Variants in SLC29A4 observed in about 807,000 individuals in gnomAD.
The protein encoded by SLC29A4 is equilibrative nucleoside transporter 4.
In SLC29A4, 36 loss-of-function variants were observed where a neutral mutation model predicts 43.9. That is an observed-to-expected ratio of 0.82 (90% CI 0.63 to 1.08). The LOEUF (loss-of-function observed/expected upper bound fraction) is 1.08, where lower values mean the gene tolerates loss of function less well. Among genes scored for constraint, SLC29A4 ranks in the 50% least tolerant of loss-of-function variants. The pLI is 0.00. For synonymous variants in SLC29A4, 491 were observed against 338.0 expected, an observed-to-expected ratio of 1.45 and a Z score of -4.97; for missense variants, 869 against 755.3, an observed-to-expected ratio of 1.15 and a Z score of -1.77.
At chr7:5,295,517 C>T (rs1785592133) in intron 6 of SLC29A4, among the ~76,000 whole-genome samples, 1 of 152,246 alleles carries the variant, frequency 6.6e-6, no homozygotes, top group South Asian at 2.1e-4. Flanking sequence ...CTAGGTCTGT[C>T]CCCTGGCCTC....
intron 1 of SLC29A4, among the ~76,000 whole-genome samples, 176 bp from the exon 2 acceptor site, chr7:5,287,633 A>T (rs559268502): frequency 6.6e-6 from 1 of 152,314 alleles, no homozygotes; most frequent in South Asian, 2.1e-4. Context: ...CCTCACATCC[A>T]GTCCTGTTCA....
chr7:5,301,975 G>A (rs556942717), intron 10 of SLC29A4, among the ~76,000 whole-genome samples: 179 of 152,254 alleles, frequency 1.2e-3, no homozygotes, highest in South Asian at 5.2e-3. Context: ...TTTTTAGATG[G>A]AGTCTTGCTC....
intron 2 of SLC29A4, among the ~76,000 whole-genome samples, chr7:5,288,492 G>A (rs1305380432): frequency 6.6e-6 from 1 of 151,648 alleles, no homozygotes; most frequent in Non-Finnish European, 1.5e-5. Context: ...TTTTAGTAGA[G>A]ACGGGGTTTC....
intron 2 of SLC29A4, among the ~76,000 whole-genome samples, chr7:5,289,480 AC>A (rs1159755534): frequency 6.6e-6 from 1 of 152,108 alleles, no homozygotes; most frequent in African/African-American, 2.4e-5. Flanking sequence ...ACAGTCTGGA[AC>A]CCACGGGCAG....
At chr7:5,288,873 G>A (rs887992209) in intron 2 of SLC29A4, among the ~76,000 whole-genome samples, 2 of 152,136 alleles carry the variant, frequency 1.3e-5, no homozygotes, top group South Asian at 2.1e-4. Context: ...ACAGGCTCGG[G>A]TTCAAGCCTA....
chr7:5,291,687 C>T lies in SLC29A4; in HGVS notation c.416-6C>T, dbSNP rs1785322025. On this transcript the variant is annotated splice_polypyrimidine_tract_variant and splice_region_variant and intron_variant, in intron 4 of 10. Coordinates refer to ENST00000396872, the MANE Select transcript of SLC29A4 (RefSeq NM_153247.4). ...CCACTCCCCTCACTAGCCTCTCCCC[C>T]AACAGGCTACCTCTTAGCCTTGGGC... 1 of 1,603,230 alleles carries T rather than the reference C, an allele frequency of 6.2e-7. No individual in the cohort carries two copies. The highest frequency in any genetic ancestry group is 8.5e-7 in the Non-Finnish European group (1 of 1,174,976).
At chr7:5,283,373 C>T (rs1377557212) in intron 1 of SLC29A4, among the ~76,000 whole-genome samples, 3 of 151,916 alleles carry the variant, frequency 2.0e-5, no homozygotes, top group African/African-American at 7.2e-5. Context: ...CGAAGTTCCT[C>T]CCCGGACCCC....
rs1056329272 is a variant in SLC29A4 at position 5,292,690 on chromosome 7, C to CTTTTTTTTTTTTTTTT, written c.544+882_544+897dup. Among the ~76,000 whole-genome samples the CTTTTTTTTTTTTTTTT allele has an allele frequency of 6.7e-4, 45 of 67,414 alleles. 9 individuals are homozygous for CTTTTTTTTTTTTTTTT. Among genetic ancestry groups the CTTTTTTTTTTTTTTTT allele is most frequent in the South Asian group, 1.5e-3 (2 of 1,362 alleles). 44.2% of individuals were successfully genotyped at this position (67,414 alleles called of 152,430 possible). A position where few individuals can be genotyped will look rare whatever the true frequency, so the allele number is the denominator to read the frequency against. On this transcript the variant is annotated intron_variant, in intron 5 of 10. Coordinates refer to ENST00000396872, the MANE Select transcript of SLC29A4 (RefSeq NM_153247.4). ...TTCTACCAGCCAAGACATTTTTTTC[C>CTTTTTTTTTTTTTTTT]TTTTTTTTTTTTTTTTTTTTTTTTT... is the stretch of plus-strand genomic sequence containing the variant.
In SLC29A4 at chr7:5,291,957, C is replaced by G. The variant is rs1266559461; in HGVS notation, c.544+136C>G. ...TGGGTGCCAGGTGTGTGTCCACCTG[C>G]ATGCCAGCGTGCACACCGGCTCACA... On this transcript the variant is annotated intron_variant, in intron 5 of 10. Coordinates refer to ENST00000396872, the MANE Select transcript of SLC29A4 (RefSeq NM_153247.4). The G allele has an allele frequency of 2.4e-6, 3 of 1,265,632 alleles. No individual in the cohort carries two copies. In the African/African-American group the frequency reaches 4.5e-5, roughly 19 times the overall value. 78.4% of individuals were successfully genotyped at this position (1,265,632 alleles called of 1,614,324 possible).
chr7:5,293,235 G>A (rs112587599), intron 5 of SLC29A4, among the ~76,000 whole-genome samples: 29,920 of 142,302 alleles, frequency 0.21, 3,203 homozygotes, highest in Middle Eastern at 0.34. Flanking sequence ...GCAGTGGCAC[G>A]ATCTCAGCTC....
At chr7:5,292,518 CCT>C (rs1785370051) in intron 5 of SLC29A4, among the ~76,000 whole-genome samples, 1 of 151,938 alleles carries the variant, frequency 6.6e-6, no homozygotes, top group African/African-American at 2.4e-5. Context: ...ACTCTCTCCC[CCT>C]CTCCCTCCAC....
chr7:5,291,155 C>T lies in SLC29A4; in HGVS notation c.333C>T (p.Thr111=), dbSNP rs754877063. Residue 111 remains threonine (T), a synonymous_variant, in exon 4 of 11, where the codon ACC becomes ACT. Coordinates refer to ENST00000396872, the MANE Select transcript of SLC29A4 (RefSeq NM_153247.4). ...CCATCGTGTTTGACATGAGCCTCAC[C>T]TACATCTTGGTGGCACTGGCAGCTG... ...GTSIVFDMSL[T]YILVALAAVL... is the part of the protein sequence containing the mutation. The T allele has an allele frequency of 2.5e-6, 4 of 1,613,836 alleles. No individual in the cohort carries two copies. Among genetic ancestry groups the T allele is most frequent in the Non-Finnish European group, 3.4e-6 (4 of 1,180,036 alleles).
rs758459624 is a variant in SLC29A4 at position 5,302,824 on chromosome 7, C to T, written c.1478C>T (p.Ser493Leu). ...AGNTMTVSYMSGLTLGSAVAY... is the reference protein window; with the variant it reads ...AGNTMTVSYMLGLTLGSAVAY... ...AACACCATGACCGTGTCCTACATGT[C>T]AGGGCTGACGCTGGGGTCCGCCGTG... The change falls in exon 11 of 11, where the codon TCA becomes TTA. Residue 493 changes from serine to leucine, a missense_variant. By Grantham distance (145) the Ser-to-Leu change is moderately radical. Transcript: ENST00000396872. The T allele has an allele frequency of 7.0e-6, 11 of 1,570,118 alleles. No homozygotes were observed. The highest frequency in any genetic ancestry group is 9.5e-6 in the Non-Finnish European group (11 of 1,157,830).
intron 1 of SLC29A4, among the ~76,000 whole-genome samples, chr7:5,287,021 T>C (rs1259023688): frequency 6.6e-6 from 1 of 152,216 alleles, no homozygotes; most frequent in Non-Finnish European, 1.5e-5. Context: ...ACTGCCACCA[T>C]GCAGGCCACC....
chr7:5,296,566 G>A (rs1451753918), intron 6 of SLC29A4, among the ~76,000 whole-genome samples: 1 of 47,002 alleles, frequency 2.1e-5, no homozygotes, highest in African/African-American at 9.6e-5. Flanking sequence ...GTGGGACGGG[G>A]CTGGGTGGGG....
intron 1 of SLC29A4, among the ~76,000 whole-genome samples, chr7:5,287,433 G>GA (rs527760734): frequency 1.4e-5 from 2 of 147,338 alleles, no homozygotes; most frequent in African/African-American, 2.5e-5. Context: ...AAAAAAAAAA[G>GA]AAAAAAAAGA....
rs565898474 is a variant in SLC29A4, at chr7:5,294,285, C to G, written c.545-575C>G. ...TAGACAAAGACTGCCCCTGAGGCTA[C>G]TTCCAGGGCTGGATTTGCTAGACTC... On this transcript the variant is annotated intron_variant, in intron 5 of 10. Coordinates refer to ENST00000396872, the MANE Select transcript of SLC29A4 (RefSeq NM_153247.4). Among the ~76,000 whole-genome samples, 22 of 152,300 alleles carry G rather than the reference C, an allele frequency of 1.4e-4. No individual in the cohort carries two copies. In the South Asian group the frequency reaches 3.7e-3, roughly 26 times the overall value.
In SLC29A4 at chr7:5,287,019, C is replaced by A. The variant is rs528864275; in HGVS notation, c.-8-790C>A. Among the ~76,000 whole-genome samples the A allele has an allele frequency of 2.6e-5, 4 of 152,338 alleles. No individual in the cohort carries two copies. In the South Asian group the frequency reaches 6.2e-4, roughly 24 times the overall value. ...TATTTCTCACCGTGCCCACTGCCACCATGCAGGCCACCTTGGTTGCTCCCC... is the reference window on the plus strand; with the variant it reads ...TATTTCTCACCGTGCCCACTGCCACAATGCAGGCCACCTTGGTTGCTCCCC... On this transcript the variant is annotated intron_variant, in intron 1 of 10. Transcript: ENST00000396872.
At chr7:5,295,001 A>G (rs1230885810) in intron 6 of SLC29A4, 67 bp downstream of exon 6, 12 of 1,410,356 alleles carry the variant, frequency 8.5e-6, no homozygotes, top group Non-Finnish European at 1.2e-5. Flanking sequence ...GCTTCTTCCC[A>G]GGGACTCCCC....
Sources: allele counts gnomAD v4.1 joint callset (sites outside exome capture counted in the v4.1 genomes callset), GRCh38; gene constraint gnomAD v4.1.1; transcripts MANE v1.5; gene names NCBI Gene and HGNC (gene_info 2026-07-23, HGNC 2026-07-21).